The following HRK variants were observed in gnomAD, a reference collection of about 807,000 sequenced individuals.
HRK encodes the protein harakiri, BCL2 interacting protein.
HRK carries 6 observed loss-of-function variants against 5.9 expected under a neutral mutation model. The ratio of observed to expected loss-of-function variants is 1.02; its 90% CI spans 0.56 to 2.01. The LOEUF (loss-of-function observed/expected upper bound fraction) is 2.01. Ranked by LOEUF, HRK falls within the 30% of genes most tolerant of loss-of-function variation. HRK has a pLI of 0.00. For synonymous variants in HRK, 85 were observed against 65.1 expected (o/e 1.31, Z -1.47); for missense variants, 133 against 128.3 (o/e 1.04, Z -0.18).
rs1328589497 is a variant in HRK, at chr12:116,859,000, G to C, written c.*2523C>G. 1 of 152,030 alleles carries C rather than the reference G, an allele frequency of 6.6e-6. No individual in the cohort carries two copies. Among genetic ancestry groups the C allele is most frequent in the Admixed American group, 6.6e-5 (1 of 15,258 alleles). 9.4% of individuals were successfully genotyped at this position (152,030 alleles called of 1,614,324 possible). On this transcript the variant is annotated 3_prime_UTR_variant, in exon 2 of 2. Coordinates refer to ENST00000257572, the MANE Select transcript of HRK (RefSeq NM_003806.4). ...AAAAACAACCCCGTGTCAAAAATCG[G>C]GGCAGTCGAGAAGTGCACTCCAATG...
chr12:116,881,345 C>T lies in HRK; in HGVS notation c.-38G>A. 2.8e-6 allele frequency: 3 copies of T among 1,059,044 alleles called. No individual in the cohort carries two copies. Among genetic ancestry groups the T allele is most frequent in the African/African-American group, 3.4e-5 (2 of 58,852 alleles). 65.6% of individuals were successfully genotyped at this position (1,059,044 alleles called of 1,614,324 possible). ...CGCTCCCGCCCCGCGCTCGGGCCGCCCCTCGCCTCCTCTCCCTCCGGCCTC... is the reference window on the plus strand; with the variant it reads ...CGCTCCCGCCCCGCGCTCGGGCCGCTCCTCGCCTCCTCTCCCTCCGGCCTC... On this transcript the variant is annotated 5_prime_UTR_variant, in exon 1 of 2. Coordinates refer to ENST00000257572, the MANE Select transcript of HRK (RefSeq NM_003806.4).
intron 1 of HRK, among the ~76,000 whole-genome samples, chr12:116,866,902 T>C (rs1432174041): frequency 1.3e-5 from 2 of 152,180 alleles, no homozygotes; most frequent in African/African-American, 2.4e-5. Context: ...ATGTTGCCCA[T>C]GTCCCATGTC....
At chr12:116,872,871 CAGGCAGGGAGGGAGGG>C (rs1334500620) in intron 1 of HRK, among the ~76,000 whole-genome samples, 3 of 102,656 alleles carry the variant, frequency 2.9e-5, no homozygotes, top group African/African-American at 1.2e-4. Context: ...GGGAGGGAGG[CAGGCAGGGAGGGAGGG>C]AGGGAAAGAA....
Position 116,881,054 on chromosome 12 carries a change from A to T in HRK, c.254T>A (p.Leu85Gln). The T allele has an allele frequency of 7.4e-7, 1 of 1,358,454 alleles. No individual in the cohort carries two copies. The highest frequency in any genetic ancestry group is 1.8e-5 in the South Asian group (1 of 55,664). The allele number at this position is 1,358,454 out of a possible 1,614,324, so 84.2% of individuals were successfully genotyped here. A position where few individuals can be genotyped will look rare whatever the true frequency, so the allele number is the denominator to read the frequency against. ...AAQVAALAAWLLGRRNL is the reference protein window; with the variant it reads ...AAQVAALAAWQLGRRNL ...TTCCTACAAGTTCCGCCTGCCGAGC[A>T]GCCAGGCCGCCAGCGCCGCCACCTG... The change falls in exon 1 of 2, where the codon CTG becomes CAG. Residue 85 changes from leucine to glutamine, a missense_variant. Coordinates refer to ENST00000257572, the MANE Select transcript of HRK (RefSeq NM_003806.4).
intron 1 of HRK, among the ~76,000 whole-genome samples, chr12:116,877,468 C>T (rs752963634): frequency 4.6e-5 from 7 of 152,178 alleles, no homozygotes; most frequent in Non-Finnish European, 1.0e-4. Flanking sequence ...CTCAAGGTCA[C>T]GCTGTCAGCA....
At chr12:116,867,405 A>G (rs1878585112) in intron 1 of HRK, among the ~76,000 whole-genome samples, 1 of 152,060 alleles carries the variant, frequency 6.6e-6, no homozygotes, top group Non-Finnish European at 1.5e-5. Context: ...TGGCCTCCCA[A>G]AGTGCTGGGA....
chr12:116,877,688 T>C (rs1201466254), intron 1 of HRK, among the ~76,000 whole-genome samples: 2 of 152,230 alleles, frequency 1.3e-5, no homozygotes, highest in African/African-American at 4.8e-5. Context: ...TTTCCGTGTA[T>C]GAATTCATTT....
rs1300566927 is a variant in HRK at position 116,858,044 on chromosome 12, ACT to A, written c.*3477_*3478del. On this transcript the variant is annotated 3_prime_UTR_variant, in exon 2 of 2. Coordinates refer to ENST00000257572, the MANE Select transcript of HRK (RefSeq NM_003806.4). ...ACTCCAGCCTGGGTGACAGAGTGAG[ACT>A]CTGTCTCAAAATAAAATAGAAGAAG... The A allele has an allele frequency of 2.0e-5, 3 of 148,280 alleles. No homozygotes were observed. The highest frequency in any genetic ancestry group is 1.4e-4 in the Admixed American group (2 of 14,498). 9.2% of individuals were successfully genotyped at this position (148,280 alleles called of 1,614,324 possible). A position where few individuals can be genotyped will look rare whatever the true frequency, so the allele number is the denominator to read the frequency against.
In HRK at chr12:116,858,600, A is replaced by T. The variant is rs1878243597; in HGVS notation, c.*2923T>A. ...CACACACACACACACACACACACAC[A>T]CACACACACACACACACACACACTG... On this transcript the variant is annotated 3_prime_UTR_variant, in exon 2 of 2. Transcript: ENST00000257572. The T allele has an allele frequency of 6.6e-6, 1 of 151,092 alleles. No individual in the cohort carries two copies. Among genetic ancestry groups the T allele is most frequent in the South Asian group, 2.1e-4 (1 of 4,740 alleles). The allele number at this position is 151,092 out of a possible 1,614,324, so 9.4% of individuals were successfully genotyped here. A position where few individuals can be genotyped will look rare whatever the true frequency, so the allele number is the denominator to read the frequency against.
intron 1 of HRK, among the ~76,000 whole-genome samples, chr12:116,877,970 ATCTCAGCTCT>A (rs1366259036): frequency 6.6e-6 from 1 of 152,202 alleles, no homozygotes; most frequent in African/African-American, 2.4e-5. Context: ...CAGTGGTGTG[ATCTCAGCTCT>A]TCTTGGCTGA....
At chr12:116,873,698 C>T (rs1878837692) in intron 1 of HRK, among the ~76,000 whole-genome samples, 2 of 152,110 alleles carry the variant, frequency 1.3e-5, no homozygotes, top group South Asian at 4.2e-4. Context: ...AATATTATAT[C>T]AAGTTTCCCA....
intron 1 of HRK, among the ~76,000 whole-genome samples, chr12:116,876,191 C>T (rs1356567983): frequency 6.6e-6 from 1 of 152,208 alleles, no homozygotes; most frequent in African/African-American, 2.4e-5. Context: ...CGGATGACTC[C>T]AGACAGAGAC....
chr12:116,866,675 T>C (rs1191053662), intron 1 of HRK, among the ~76,000 whole-genome samples: 2 of 152,156 alleles, frequency 1.3e-5, no homozygotes, highest in Non-Finnish European at 2.9e-5. Context: ...TGCTATCAGC[T>C]ACTAGATAGT....
At position 116,878,730 on chromosome 12, in the gene HRK, G is replaced by A. The variant is rs1879029376; in HGVS notation, c.*56+2246C>T. Among the ~76,000 whole-genome samples the A allele has an allele frequency of 6.6e-6, 1 of 152,212 alleles. No individual in the cohort carries two copies. ...GCGCCAGAGGCTGCAGAACCCTGGA[G>A]GGTGTGGCTGCAGGGGACGCCCGGG... On this transcript the variant is annotated intron_variant, in intron 1 of 1. Coordinates refer to ENST00000257572, the MANE Select transcript of HRK (RefSeq NM_003806.4). This position sits in a 1 kb window ranked among gnomAD's most constrained non-coding sequence, Gnocchi z 4.4.
chr12:116,881,300 G>C lies in HRK; in HGVS notation c.8C>G (p.Pro3Arg). 1 of 1,068,008 alleles carries C rather than the reference G, an allele frequency of 9.4e-7. No homozygotes were observed. Among genetic ancestry groups the C allele is most frequent in the Non-Finnish European group, 1.1e-6 (1 of 885,028 alleles). The allele number at this position is 1,068,008 out of a possible 1,614,324, so 66.2% of individuals were successfully genotyped here. Residue 3 changes from proline to arginine, a missense_variant, in exon 1 of 2, where the codon CCG becomes CGG. Transcript: ENST00000257572. Reference sequence around the variant, plus strand: ...GCCGCGGCCGCGGTGCAGGGGGCACGGGCACATGACCGCTGGCCTCGCTCC... The same window carrying C: ...GCCGCGGCCGCGGTGCAGGGGGCACCGGCACATGACCGCTGGCCTCGCTCC... MCPCPLHRGRGPP... is the reference protein window; with the variant it reads MCRCPLHRGRGPP...
At chr12:116,867,062 G>A (rs1878573350) in intron 1 of HRK, among the ~76,000 whole-genome samples, 1 of 151,916 alleles carries the variant, frequency 6.6e-6, no homozygotes, top group African/African-American at 2.4e-5. Flanking sequence ...GGCCAAAATG[G>A]GAGGATCACT....
chr12:116,877,667 T>G (rs1878986062), intron 1 of HRK, among the ~76,000 whole-genome samples: 1 of 152,232 alleles, frequency 6.6e-6, no homozygotes, highest in Non-Finnish European at 1.5e-5. Context: ...GTATATCCAC[T>G]GTTCTAGAGC....
rs539485018 is a variant in HRK, at chr12:116,861,765, TG to T, written c.*57-300del. 2.0e-4 allele frequency among the ~76,000 whole-genome samples: 31 copies of T among 152,358 alleles called. No homozygotes were observed. The South Asian group carries it at 6.0e-3, about 30-fold the overall frequency. On this transcript the variant is annotated intron_variant, in intron 1 of 1. Transcript: ENST00000257572. The stretch of plus-strand genomic sequence containing the variant: ...ATATTTACATAGGCATCTTCAGAGA[TG>T]TTTTTAAAAAGAAGAATCTAGAGAC...
At chr12:116,865,195 G>T (rs1878497018) in intron 1 of HRK, among the ~76,000 whole-genome samples, 2 of 152,222 alleles carry the variant, frequency 1.3e-5, no homozygotes, top group Middle Eastern at 6.8e-3. Context: ...TCTGATGTCA[G>T]CAAAGAATTA....
Sources: gnomAD v4.1 joint callset for allele counts (sites outside exome capture counted in the v4.1 genomes callset) on GRCh38, gnomAD v4.1.1 for gene constraint, Gnocchi (gnomAD v3.1) non-coding constraint, MANE v1.5 for transcripts, NCBI Gene and HGNC (gene_info 2026-07-23, HGNC 2026-07-21) for gene names.